GULP1: variants seen among roughly 807,000 people sequenced by gnomAD.
GULP1 encodes GULP PTB domain containing engulfment adaptor 1.
GULP1 carries 19 observed loss-of-function variants against 40.9 expected under a neutral mutation model. That is an observed-to-expected ratio of 0.46 (90% CI 0.32 to 0.68). The LOEUF (loss-of-function observed/expected upper bound fraction) is 0.68. GULP1 is among the 30% of genes least tolerant of loss of function. The pLI, the probability that GULP1 is intolerant of heterozygous loss-of-function variation, is 0.03. For missense variants in GULP1, 312 were observed against 362.2 expected, an observed-to-expected ratio of 0.86 and a Z score of 1.12; for synonymous variants, 119 against 117.6, an observed-to-expected ratio of 1.01 and a Z score of -0.08.
chr2:188,473,681 G>C (rs1161858539), intron 2 of GULP1, among the ~76,000 whole-genome samples: 1 of 152,086 alleles, frequency 6.6e-6, no homozygotes, highest in African/African-American at 2.4e-5. Flanking sequence ...CAGTGGACTC[G>C]CCTCTGGCCA....
At position 188,564,064 on chromosome 2, in the gene GULP1, A is replaced by T. The variant is rs1697025827; in HGVS notation, c.400-5175A>T. ...ACAGAAAAGCCACTAGACAAAATTT[A>T]ACCCATTGCTGATAAAATTTATAGC... On this transcript the variant is annotated intron_variant, in intron 7 of 11. Transcript: ENST00000409830. Among the ~76,000 whole-genome samples, 3 of 152,010 alleles carry T rather than the reference A, an allele frequency of 2.0e-5. No individual in the cohort carries two copies. In the South Asian group the frequency reaches 6.2e-4, roughly 31 times the overall value.
intron 1 of GULP1, among the ~76,000 whole-genome samples, chr2:188,380,550 C>T (rs192702642): frequency 6.6e-6 from 1 of 151,204 alleles, no homozygotes; most frequent in Admixed American, 6.6e-5. Flanking sequence ...ACAGGACAAA[C>T]AAGAAAAAAA....
chr2:188,389,113 T>C (rs1331484743), intron 2 of GULP1, among the ~76,000 whole-genome samples: 1 of 152,204 alleles, frequency 6.6e-6, no homozygotes, highest in Non-Finnish European at 1.5e-5. Context: ...GAGGGGCATG[T>C]TGATGACAGG....
intron 2 of GULP1, among the ~76,000 whole-genome samples, chr2:188,454,972 T>C (rs2059142271): frequency 6.6e-6 from 1 of 151,658 alleles, no homozygotes; most frequent in Non-Finnish European, 1.5e-5. Context: ...AAAATAAAAA[T>C]AAAAACAAAA....
intron 1 of GULP1, among the ~76,000 whole-genome samples, chr2:188,370,758 T>C (rs1047029636): frequency 1.3e-5 from 2 of 152,232 alleles, no homozygotes; most frequent in Non-Finnish European, 2.9e-5. Context: ...AAATTACACA[T>C]GTAACATTGG....
intron 4 of GULP1, among the ~76,000 whole-genome samples, chr2:188,501,663 T>C (rs926322281): frequency 6.6e-6 from 1 of 151,778 alleles, no homozygotes; most frequent in Non-Finnish European, 1.5e-5. Flanking sequence ...CGTCTTAGAG[T>C]AGGTTGAAAA....
rs1259296474 is a variant in GULP1, at chr2:188,594,099, A to G, written c.*88A>G. Reference sequence around the variant, plus strand: ...TATTACTTTAAGATAGGTATTATTCATGTGTCAATGTTTTTGAATATTTTA... The same window carrying G: ...TATTACTTTAAGATAGGTATTATTCGTGTGTCAATGTTTTTGAATATTTTA... On this transcript the variant is annotated 3_prime_UTR_variant, in exon 12 of 12. Coordinates refer to ENST00000409830, the MANE Select transcript of GULP1 (RefSeq NM_016315.4). 1 of 700,172 alleles carries G rather than the reference A, an allele frequency of 1.4e-6. No homozygotes were observed. Among genetic ancestry groups the G allele is most frequent in the Non-Finnish European group, 2.5e-6 (1 of 407,274 alleles). The allele number at this position is 700,172 out of a possible 1,614,324, so 43.4% of individuals were successfully genotyped here. A position where few individuals can be genotyped will look rare whatever the true frequency, so the allele number is the denominator to read the frequency against.
intron 4 of GULP1, among the ~76,000 whole-genome samples, chr2:188,513,793 T>A (rs2064863159): frequency 6.6e-6 from 1 of 152,094 alleles, no homozygotes; most frequent in African/African-American, 2.4e-5. Flanking sequence ...CCGTAATAAA[T>A]TTTGTCTATT....
At chr2:188,454,398 G>C (rs1335635560) in intron 2 of GULP1, among the ~76,000 whole-genome samples, 1 of 152,100 alleles carries the variant, frequency 6.6e-6, no homozygotes, top group East Asian at 1.9e-4. Context: ...ACTCAAAGGT[G>C]GGCATGACAC....
At chr2:188,317,917 TTTTTC>T (rs2039366507) in intron 1 of GULP1, among the ~76,000 whole-genome samples, 1 of 152,022 alleles carries the variant, frequency 6.6e-6, no homozygotes, top group African/African-American at 2.4e-5. Flanking sequence ...TGATCACAGC[TTTTTC>T]TTTTCCAGTT....
intron 2 of GULP1, among the ~76,000 whole-genome samples, chr2:188,455,345 A>G (rs893196404): frequency 4.6e-5 from 7 of 152,052 alleles, no homozygotes; most frequent in African/African-American, 1.7e-4. Flanking sequence ...CTGTGTCCCC[A>G]CCCAAATCTC....
chr2:188,398,111 C>T (rs943255190), intron 2 of GULP1, among the ~76,000 whole-genome samples: 5 of 152,098 alleles, frequency 3.3e-5, no homozygotes, highest in African/African-American at 9.7e-5. Flanking sequence ...GAGGAGAAGA[C>T]CATGTAGAGA....
chr2:188,588,172 T>C (rs1018305179), intron 11 of GULP1: 18 of 527,876 alleles, frequency 3.4e-5, no homozygotes, highest in Non-Finnish European at 5.9e-5. Flanking sequence ...ATTTATAATG[T>C]CAATAAGATG....
intron 11 of GULP1, chr2:188,588,452 A>T (rs1460295822): frequency 6.3e-6 from 1 of 158,740 alleles, no homozygotes; most frequent in Non-Finnish European, 1.4e-5. Flanking sequence ...AATGTAGTTC[A>T]GTTGGGTTTT....
intron 7 of GULP1, among the ~76,000 whole-genome samples, chr2:188,549,894 T>C (rs1035760483): frequency 2.0e-5 from 3 of 151,552 alleles, no homozygotes; most frequent in Non-Finnish European, 4.4e-5. Context: ...AATAGCAAAA[T>C]TAAGGAAATG....
intron 6 of GULP1, among the ~76,000 whole-genome samples, chr2:188,533,957 GT>G (rs1248234702): frequency 6.6e-6 from 1 of 152,052 alleles, no homozygotes; most frequent in Non-Finnish European, 1.5e-5. Flanking sequence ...CAGAATAACT[GT>G]TATTAAAAAG....
rs66499080 is a variant in GULP1 at position 188,352,618 on chromosome 2, T to TCACACACACACACACACACACACACA, written c.-171-31139_-171-31114dup. ...TGCTCTCTTTCTCTCTCTCTCTCTC[T>TCACACACACACACACACACACACACA]CACACACACACACACACACACACAC... On this transcript the variant is annotated intron_variant, in intron 1 of 11. Transcript: ENST00000409830. Among the ~76,000 whole-genome samples, 179 of 134,492 alleles carry TCACACACACACACACACACACACACA rather than the reference T, an allele frequency of 1.3e-3. 3 individuals carry two copies. The East Asian group carries it at 0.017, about 13-fold the overall frequency. The allele number at this position is 134,492 out of a possible 152,430, so 88.2% of individuals were successfully genotyped here.
chr2:188,491,895 A>G (rs746800790), intron 4 of GULP1, among the ~76,000 whole-genome samples: 1 of 152,104 alleles, frequency 6.6e-6, no homozygotes, highest in African/African-American at 2.4e-5. Flanking sequence ...ATATTTTTAC[A>G]TTTAAGAATA....
intron 2 of GULP1, among the ~76,000 whole-genome samples, chr2:188,386,093 A>G (rs1018022553): frequency 5.9e-5 from 9 of 152,320 alleles, no homozygotes; most frequent in Admixed American, 5.9e-4. Flanking sequence ...CACACTGCTG[A>G]TGACGACATA....
Sources: allele counts gnomAD v4.1 joint callset (sites outside exome capture counted in the v4.1 genomes callset), GRCh38; gene constraint gnomAD v4.1.1; transcripts MANE v1.5; gene names NCBI Gene and HGNC (gene_info 2026-07-23, HGNC 2026-07-21).